SORD: variants seen among roughly 807,000 people sequenced by gnomAD.
SORD encodes (R,R)-butanediol dehydrogenase.
SORD carries 18 observed loss-of-function variants against 35.6 expected under a neutral mutation model. The ratio of observed to expected loss-of-function variants is 0.51; its 90% confidence interval spans 0.35 to 0.75. The LOEUF is 0.75. Ranked by LOEUF, SORD falls within the 30% of genes least tolerant of loss-of-function variation. The pLI is 0.01. For synonymous variants in SORD, 106 were observed against 152.9 expected, an observed-to-expected ratio of 0.69 and a Z score of 2.26; for missense variants, 250 against 390.2, an observed-to-expected ratio of 0.64 and a Z score of 3.03.
At chr15:45,039,266 C>T (rs1179793376) in intron 1 of SORD, among the ~76,000 whole-genome samples, 3 of 152,076 alleles carry the variant, frequency 2.0e-5, no homozygotes, top group Non-Finnish European at 4.4e-5. Context: ...GTAGCTGAGA[C>T]TACAGGCGCG....
intron 1 of SORD, among the ~76,000 whole-genome samples, chr15:45,034,296 TC>T (rs1408261510): frequency 6.6e-6 from 1 of 152,094 alleles, no homozygotes; most frequent in Non-Finnish European, 1.5e-5. Context: ...GACAGGCAGT[TC>T]CAGAATCTGA....
At chr15:45,043,837 A>G (rs1370676291) in intron 3 of SORD, among the ~76,000 whole-genome samples, 1 of 151,244 alleles carries the variant, frequency 6.6e-6, no homozygotes, top group Admixed American at 6.6e-5. Context: ...TGGCTGGGAA[A>G]CCACCATTAT....
At chr15:45,027,533 T>C (rs1377070780) in intron 1 of SORD, among the ~76,000 whole-genome samples, 1 of 152,256 alleles carries the variant, frequency 6.6e-6, no homozygotes, top group Admixed American at 6.5e-5. Context: ...CCAGAGCCCC[T>C]GAGGACGGAC....
Position 45,073,564 on chromosome 15 carries a change from T to G in SORD, c.*34T>G, listed in dbSNP as rs1042097. 3.1e-6 allele frequency: 5 copies of G among 1,590,352 alleles called. No homozygotes were observed. Among genetic ancestry groups the G allele is most frequent in the Non-Finnish European group, 4.3e-6 (5 of 1,171,430 alleles). On this transcript the variant is annotated 3_prime_UTR_variant, in exon 9 of 9. Coordinates refer to ENST00000267814, the MANE Select transcript of SORD (RefSeq NM_003104.6). ...GGCTCTGCCCTCATCCCCACAGTCT[T>G]GGGATCTCAGGGCACAATGGCTGGA...
chr15:45,061,299 T>G (rs1893301957), intron 4 of SORD, 73 bp downstream of exon 4: 3 of 1,495,462 alleles, frequency 2.0e-6, no homozygotes, highest in Non-Finnish European at 1.8e-6. Flanking sequence ...TTTCCTGTGG[T>G]TATTTCTTTA....
intron 1 of SORD, 144 bp from the exon 2 acceptor site, chr15:45,040,264 C>T: frequency 3.2e-6 from 2 of 629,922 alleles, no homozygotes; most frequent in Non-Finnish European, 5.8e-6. Context: ...CAGGCATGCA[C>T]CCAGGAGCAG....
At position 45,051,697 on chromosome 15, in the gene SORD, G is replaced by A. The variant is rs374459853; in HGVS notation, c.265+8276G>A. ...GGAGAAAGCCAAATTTCACCCTTGC[G>A]TTAGTCTACTATTAATGTCAACCCC... On this transcript the variant is annotated intron_variant, in intron 3 of 8. Coordinates refer to ENST00000267814, the MANE Select transcript of SORD (RefSeq NM_003104.6). Among the ~76,000 whole-genome samples the A allele has an allele frequency of 5.3e-5, 8 of 152,138 alleles. No homozygotes were observed. In the East Asian group the frequency reaches 9.6e-4, roughly 18 times the overall value.
At chr15:45,053,165 A>G (rs1893156757) in intron 3 of SORD, among the ~76,000 whole-genome samples, 1 of 152,208 alleles carries the variant, frequency 6.6e-6, no homozygotes. Context: ...GCTGATGATG[A>G]CAAGTAAGGG....
intron 1 of SORD, 89 bp downstream of exon 1, chr15:45,023,438 T>A: frequency 8.4e-7 from 1 of 1,184,290 alleles, no homozygotes; most frequent in Non-Finnish European, 1.1e-6. Flanking sequence ...ACTTCCAGCC[T>A]GGCGCCGGCC....
chr15:45,068,140 T>C (rs1657743619), intron 5 of SORD, 41 bp from the exon 6 acceptor site: 3 of 1,510,738 alleles, frequency 2.0e-6, no homozygotes, highest in Non-Finnish European at 2.8e-6. Context: ...GAGCAGATGT[T>C]TAATATTTCA....
At chr15:45,054,851 G>A in intron 3 of SORD, among the ~76,000 whole-genome samples, 1 of 151,062 alleles carries the variant, frequency 6.6e-6, no homozygotes, top group Non-Finnish European at 1.5e-5. Flanking sequence ...TCCAGTTTCA[G>A]CTTTCTACAT....
intron 4 of SORD, among the ~76,000 whole-genome samples, chr15:45,061,566 G>A (rs1595506313): frequency 6.6e-6 from 1 of 152,106 alleles, no homozygotes; most frequent in African/African-American, 2.4e-5. Context: ...CACCAGAAAC[G>A]TCATAACAAC....
intron 1 of SORD, among the ~76,000 whole-genome samples, chr15:45,031,709 G>A (rs892027112): frequency 8.0e-3 from 1,208 of 150,710 alleles, no homozygotes; most frequent in African/African-American, 0.028. Context: ...CACCTGCCTC[G>A]GCCTCCCAAA....
At chr15:45,050,549 GA>G in intron 3 of SORD, 1 of 152,312 alleles carries the variant, frequency 6.6e-6, no homozygotes, top group Non-Finnish European at 1.5e-5. Context: ...GACAAGATAT[GA>G]AGCCAGTTTT....
At chr15:45,056,921 G>T (rs766028124) in intron 3 of SORD, among the ~76,000 whole-genome samples, 102 of 152,316 alleles carry the variant, frequency 6.7e-4, no homozygotes, top group Middle Eastern at 3.4e-3. Context: ...GGCTGTGGTA[G>T]AAACAATTAT....
intron 3 of SORD, among the ~76,000 whole-genome samples, chr15:45,048,478 G>A (rs1893078517): frequency 1.3e-5 from 2 of 152,180 alleles, no homozygotes; most frequent in Non-Finnish European, 2.9e-5. Context: ...GGAGGCCAAG[G>A]CAGGAGGATT....
chr15:45,023,486 G>T, intron 1 of SORD, 137 bp downstream of exon 1: 1 of 699,042 alleles, frequency 1.4e-6, no homozygotes, highest in Non-Finnish European at 2.2e-6. Flanking sequence ...GATCCCAGCT[G>T]GTTCCCCTCG....
At chr15:45,049,506 A>G (rs571581983) in intron 3 of SORD, among the ~76,000 whole-genome samples, 1 of 152,340 alleles carries the variant, frequency 6.6e-6, no homozygotes, top group Admixed American at 6.5e-5. Flanking sequence ...CAAGGGGGTA[A>G]GAAAAGCTCA....
rs58487905 is a variant in SORD, at chr15:45,045,544, CAAAAAAAAAA to C, written c.265+2139_265+2148del. Among the ~76,000 whole-genome samples, 90 of 62,816 alleles carry C rather than the reference CAAAAAAAAAA, an allele frequency of 1.4e-3. 2 individuals carry two copies. The highest frequency in any genetic ancestry group is 6.6e-4 in the South Asian group (1 of 1,512). The allele number at this position is 62,816 out of a possible 152,430, so 41.2% of individuals were successfully genotyped here. ...TGAGAGACAGAGCAAGACTCCATCT[CAAAAAAAAAA>C]AAAAAAAAAAAAAAAGAGGAAGTGA... On this transcript the variant is annotated intron_variant, in intron 3 of 8. Coordinates refer to ENST00000267814, the MANE Select transcript of SORD (RefSeq NM_003104.6).
Sources: gnomAD v4.1 joint callset for allele counts (sites outside exome capture counted in the v4.1 genomes callset) on GRCh38, gnomAD v4.1.1 for gene constraint, MANE v1.5 for transcripts, NCBI Gene and HGNC (gene_info 2026-07-23, HGNC 2026-07-21) for gene names.